ARHGAP32: variants seen among roughly 807,000 people sequenced by gnomAD.
The protein encoded by ARHGAP32 is Rho GTPase activating protein 32.
A neutral mutation model predicts 186.5 loss-of-function variants in ARHGAP32; 51 were observed. The observed-to-expected ratio is 0.27, with a 90% CI of 0.22 to 0.35. ARHGAP32 has a LOEUF of 0.35. Ranked by LOEUF, ARHGAP32 falls within the 10% of genes least tolerant of loss-of-function variation. ARHGAP32 has a pLI of 1.00. For missense variants in ARHGAP32, 2,186 were observed against 2,623.5 expected, an observed-to-expected ratio of 0.83 and a Z score of 3.64; for synonymous variants, 950 against 964.3, an observed-to-expected ratio of 0.99 and a Z score of 0.27.
intron 3 of ARHGAP32, 52 bp downstream of exon 3, chr11:129,124,751 T>C: frequency 8.0e-6 from 11 of 1,370,100 alleles, no homozygotes; most frequent in Non-Finnish European, 1.1e-5. Flanking sequence ...ATTGAAGAAC[T>C]GATTTCCATT....
At chr11:129,179,461 T>C (rs1479767866) in intron 1 of ARHGAP32, among the ~76,000 whole-genome samples, 1 of 152,174 alleles carries the variant, frequency 6.6e-6, no homozygotes, top group Non-Finnish European at 1.5e-5. Flanking sequence ...CCCAAAGGAT[T>C]ATAAATCATG....
chr11:129,037,289 G>T (rs979038112), intron 11 of ARHGAP32, among the ~76,000 whole-genome samples: 7 of 152,102 alleles, frequency 4.6e-5, no homozygotes, highest in African/African-American at 1.7e-4. Context: ...TTAAGGCCAG[G>T]AGTTCAGGAC....
chr11:129,027,816 C>T (rs1166827359), intron 11 of ARHGAP32, among the ~76,000 whole-genome samples: 1 of 152,184 alleles, frequency 6.6e-6, no homozygotes, highest in East Asian at 1.9e-4. Flanking sequence ...TTACTGCTCT[C>T]CTTCTAGTCA....
chr11:129,243,682 C>T (rs905409310), intron 1 of ARHGAP32, among the ~76,000 whole-genome samples: 4 of 152,170 alleles, frequency 2.6e-5, no homozygotes, highest in South Asian at 2.1e-4. Flanking sequence ...CTCCAAGTTA[C>T]ATCCCAATTC....
At position 128,974,218 on chromosome 11, in the gene ARHGAP32, C is replaced by T; in HGVS notation, c.2979G>A (p.Gln993=). ...GCAATTCTACTTCTTCAGCAGCCAC[C>T]TGGTCCAGGGGCTGGACTTCAGATT... ...AYESEVQPLD[Q]VAAEEVELPG... The change falls in exon 21 of 23, where the codon CAG becomes CAA. Residue 993 remains glutamine (Q), a synonymous_variant. Coordinates refer to ENST00000682385, the MANE Select transcript of ARHGAP32 (RefSeq NM_001378024.1). The T allele has an allele frequency of 6.2e-7, 1 of 1,614,206 alleles. No individual in the cohort carries two copies. The highest frequency in any genetic ancestry group is 8.5e-7 in the Non-Finnish European group (1 of 1,180,038).
intron 2 of ARHGAP32, among the ~76,000 whole-genome samples, chr11:129,129,788 GACA>G (rs1215325676): frequency 1.3e-5 from 2 of 152,146 alleles, no homozygotes; most frequent in Non-Finnish European, 2.9e-5. Context: ...CCTATTTTCT[GACA>G]ACCTCACAAA....
rs147894692 is a variant in ARHGAP32, at chr11:129,099,827, G to A, written c.445-6120C>T. ...CCACTGAGAGACCAAGATGACTGGC[G>A]TGCTTCTAACAGATCTTCAGAGGGA... On this transcript the variant is annotated intron_variant, in intron 5 of 22. Transcript: ENST00000682385. 1.6e-3 allele frequency among the ~76,000 whole-genome samples: 245 copies of A among 152,118 alleles called. 1 individual carries two copies. Among genetic ancestry groups the A allele is most frequent in the African/African-American group, 5.0e-3 (207 of 41,510 alleles).
At chr11:129,160,890 C>T (rs969389815) in intron 2 of ARHGAP32, among the ~76,000 whole-genome samples, 5 of 152,170 alleles carry the variant, frequency 3.3e-5, no homozygotes, top group Admixed American at 6.5e-5. Context: ...AGGCATCACG[C>T]TACCTGACTT....
chr11:129,274,478 C>G (rs1319496340), intron 1 of ARHGAP32, among the ~76,000 whole-genome samples: 1 of 152,140 alleles, frequency 6.6e-6, no homozygotes. Context: ...CCTGTCTCCT[C>G]TGGATCATCT....
chr11:129,011,693 A>G (rs1344068113), intron 11 of ARHGAP32, among the ~76,000 whole-genome samples: 1 of 152,238 alleles, frequency 6.6e-6, no homozygotes, highest in Non-Finnish European at 1.5e-5. Flanking sequence ...CAGAAACCCA[A>G]AAGAGCATTA....
rs554453052 is a variant in ARHGAP32 at position 129,129,417 on chromosome 11, G to A, written c.226-4523C>T. Among the ~76,000 whole-genome samples the A allele has an allele frequency of 4.2e-3, 627 of 150,368 alleles. 9 individuals carry two copies. Among genetic ancestry groups the A allele is most frequent in the African/African-American group, 0.014 (588 of 40,888 alleles). Reference sequence around the variant, plus strand: ...AGCCGCCCAGTCCGGGAGGGAGGTAGGGGGCAGCCCCCGCCCAGCCACTGC... The same window carrying A: ...AGCCGCCCAGTCCGGGAGGGAGGTAAGGGGCAGCCCCCGCCCAGCCACTGC... On this transcript the variant is annotated intron_variant, in intron 2 of 22. Coordinates refer to ENST00000682385, the MANE Select transcript of ARHGAP32 (RefSeq NM_001378024.1).
chr11:129,206,224 T>C (rs1452159346), intron 1 of ARHGAP32, among the ~76,000 whole-genome samples: 2 of 152,174 alleles, frequency 1.3e-5, no homozygotes, highest in East Asian at 3.8e-4. Flanking sequence ...AATTAATTTA[T>C]TTACTGAAAC....
intron 1 of ARHGAP32, among the ~76,000 whole-genome samples, chr11:129,200,247 A>G (rs1385968143): frequency 6.6e-6 from 1 of 152,002 alleles, no homozygotes; most frequent in Non-Finnish European, 1.5e-5. Context: ...GGGGGACATG[A>G]CTGGTTTGAA....
In ARHGAP32 at chr11:129,117,232, C is replaced by T. The variant is rs972706238; in HGVS notation, c.444+6214G>A. Among the ~76,000 whole-genome samples the T allele has an allele frequency of 9.2e-5, 14 of 151,922 alleles. No individual in the cohort carries two copies. The East Asian group carries it at 9.6e-4, about 10-fold the overall frequency. On this transcript the variant is annotated intron_variant, in intron 5 of 22. Coordinates refer to ENST00000682385, the MANE Select transcript of ARHGAP32 (RefSeq NM_001378024.1). The stretch of plus-strand genomic sequence containing the variant: ...CTTGATTCAAATACAGTCCACAAAA[C>T]GGTTTAAGAACTTGAGTAAGTTCTT...
chr11:129,079,959 C>A (rs563254709), intron 6 of ARHGAP32, among the ~76,000 whole-genome samples: 97 of 152,132 alleles, frequency 6.4e-4, no homozygotes, highest in Middle Eastern at 3.4e-3. Flanking sequence ...GCTATTCTTA[C>A]ATGAGACAAA....
chr11:129,235,900 A>AACACACACACAC (rs57291313), intron 1 of ARHGAP32, among the ~76,000 whole-genome samples: 1,844 of 145,734 alleles, frequency 0.013, 29 homozygotes, highest in African/African-American at 0.019. Flanking sequence ...GTCATTCATA[A>AACACACACACAC]ACACACACAC....
In ARHGAP32 at chr11:128,969,380, C is replaced by A; in HGVS notation, c.5833G>T (p.Gly1945Trp). Residue 1945 changes from glycine to tryptophan, a missense_variant, in exon 23 of 23, where the codon GGG (glycine) becomes TGG (tryptophan). Gly to Trp is a radical substitution (Grantham distance 184). Around this residue, in one of 5 missense-constraint regions of ARHGAP32, gnomAD observed 1,502 missense variants for 1,570.0 expected, o/e 0.96. Transcript: ENST00000682385. The surrounding 1 kb of genome is among the most constrained non-coding windows in gnomAD (Gnocchi z 4.8). ...HNSGVKYAAS[G>W]QESLRLNHKE... Reference sequence around the variant, plus strand: ...TGGTTCAGTCTTAAAGATTCTTGCCCGGATGCAGCATATTTTACTCCAGAG... The same window carrying A: ...TGGTTCAGTCTTAAAGATTCTTGCCAGGATGCAGCATATTTTACTCCAGAG... The A allele has an allele frequency of 6.2e-7, 1 of 1,614,168 alleles. No homozygotes were observed. Among genetic ancestry groups the A allele is most frequent in the South Asian group, 1.1e-5 (1 of 91,078 alleles).
In ARHGAP32 at chr11:128,973,242, G is replaced by A; in HGVS notation, c.3264C>T (p.Asp1088=). 11 of 1,614,182 alleles carry A rather than the reference G, an allele frequency of 6.8e-6. No homozygotes were observed. Among genetic ancestry groups the A allele is most frequent in the Non-Finnish European group, 9.3e-6 (11 of 1,180,028 alleles). ...TSQAGYTNYG[D]IAVATTEDNL... ...TATCTTCAGTTGTAGCCACCGCTAT[G>A]TCTCCATAATTTGTATACCCAGCCT... The change falls in exon 22 of 23, where the codon GAC becomes GAT. Residue 1088 remains aspartate, a synonymous_variant. Coordinates refer to ENST00000682385, the MANE Select transcript of ARHGAP32 (RefSeq NM_001378024.1).
intron 11 of ARHGAP32, among the ~76,000 whole-genome samples, chr11:129,031,860 C>T (rs1341712850): frequency 6.6e-6 from 1 of 152,160 alleles, no homozygotes; most frequent in African/African-American, 2.4e-5. Context: ...AGCCGTAGAG[C>T]AGCAGAGAAT....
Sources: allele counts gnomAD v4.1 joint callset (sites outside exome capture counted in the v4.1 genomes callset), GRCh38; gene constraint gnomAD v4.1.1; regional missense constraint gnomAD v4.1.1; non-coding constraint Gnocchi (gnomAD v3.1); transcripts MANE v1.5; gene names NCBI Gene and HGNC (gene_info 2026-07-23, HGNC 2026-07-21).